PKD2L2: variants seen among roughly 807,000 people sequenced by gnomAD.
PKD2L2 encodes the protein polycystin-2-like protein 2.
A neutral mutation model predicts 83.9 loss-of-function variants in PKD2L2; 67 were observed. The observed-to-expected ratio is 0.80, with a 90% CI of 0.66 to 0.98. The LOEUF is 0.98. Among genes scored for constraint, PKD2L2 ranks in the 50% least tolerant of loss-of-function variants. PKD2L2 has a pLI of 0.00. For synonymous variants in PKD2L2, 223 were observed against 237.8 expected, an observed-to-expected ratio of 0.94 and a Z score of 0.57; for missense variants, 632 against 717.2, an observed-to-expected ratio of 0.88 and a Z score of 1.36.
At chr5:137,913,871 C>CTT (rs757741042) in intron 8 of PKD2L2, among the ~76,000 whole-genome samples, 4 of 139,880 alleles carry the variant, frequency 2.9e-5, no homozygotes, top group African/African-American at 5.2e-5. Context: ...TTTTCTTTTC[C>CTT]TTTTTTTTTT....
intron 8 of PKD2L2, among the ~76,000 whole-genome samples, chr5:137,918,569 T>C (rs1371041484): frequency 6.6e-6 from 1 of 152,200 alleles, no homozygotes; most frequent in African/African-American, 2.4e-5. Context: ...ATGGCTCCCA[T>C]AAGCTACATG....
At chr5:137,901,487 T>C (rs975567096) in intron 5 of PKD2L2, among the ~76,000 whole-genome samples, 4 of 152,232 alleles carry the variant, frequency 2.6e-5, no homozygotes, top group Middle Eastern at 3.4e-3. Context: ...CAGGAAGGAA[T>C]AGGCTTACTC....
intron 12 of PKD2L2, among the ~76,000 whole-genome samples, chr5:137,926,283 T>C (rs1759369943): frequency 6.6e-6 from 1 of 152,290 alleles, no homozygotes; most frequent in East Asian, 1.9e-4. Context: ...TTTCAAAAAT[T>C]GTAATATGTA....
intron 12 of PKD2L2, among the ~76,000 whole-genome samples, chr5:137,932,739 A>AT (rs920026282): frequency 2.0e-5 from 3 of 152,090 alleles, no homozygotes; most frequent in Non-Finnish European, 4.4e-5. Flanking sequence ...TAGAGTTCAG[A>AT]TTTTTTTTGG....
intron 4 of PKD2L2, among the ~76,000 whole-genome samples, chr5:137,894,890 C>T (rs1157966953): frequency 6.6e-6 from 1 of 152,170 alleles, no homozygotes; most frequent in Non-Finnish European, 1.5e-5. Context: ...ATTTTTGCTT[C>T]TAAAATGGTC....
chr5:137,900,656 CT>C (rs1756876571), intron 5 of PKD2L2, among the ~76,000 whole-genome samples: 1 of 152,110 alleles, frequency 6.6e-6, no homozygotes, highest in Non-Finnish European at 1.5e-5. Flanking sequence ...TGCAAAATAC[CT>C]TTTTATCTCA....
intron 8 of PKD2L2, among the ~76,000 whole-genome samples, chr5:137,910,798 A>C (rs968803452): frequency 1.5e-4 from 22 of 151,082 alleles, no homozygotes; most frequent in African/African-American, 4.9e-4. Context: ...AGAAAAACAA[A>C]AAAAAAAAGC....
chr5:137,894,415 G>A lies in PKD2L2; in HGVS notation c.330G>A (p.Leu110=). ...YWDSWYNNQQ[L]YNLKNSSRIY... ...ATTCATGGTACAATAACCAGCAGCT[G>A]TATAATTTAAAGAACAGCAGTCGCA... Residue 110 remains leucine, a synonymous_variant, in exon 4 of 15, where the codon CTG becomes CTA. Coordinates refer to ENST00000508883, the MANE Select transcript of PKD2L2 (RefSeq NM_001300921.2). The A allele has an allele frequency of 2.5e-6, 4 of 1,612,402 alleles. No individual in the cohort carries two copies. In the South Asian group the frequency reaches 3.3e-5, roughly 13 times the overall value.
chr5:137,928,552 T>C (rs1239450592), intron 12 of PKD2L2, among the ~76,000 whole-genome samples: 2 of 152,140 alleles, frequency 1.3e-5, no homozygotes, highest in Non-Finnish European at 2.9e-5. Flanking sequence ...CCACCTCAGC[T>C]TCCCAAGTAG....
intron 14 of PKD2L2, among the ~76,000 whole-genome samples, chr5:137,940,966 C>T (rs1449686926): frequency 2.6e-5 from 4 of 152,120 alleles, no homozygotes; most frequent in Non-Finnish European, 4.4e-5. Flanking sequence ...AGTGCAGTGG[C>T]GACATCTCAG....
intron 11 of PKD2L2, among the ~76,000 whole-genome samples, chr5:137,925,346 C>A (rs982064891): frequency 7.2e-5 from 11 of 152,144 alleles, no homozygotes; most frequent in Non-Finnish European, 1.6e-4. Context: ...CCACCACCAA[C>A]CTATGTGGCG....
At chr5:137,903,072 T>C (rs1449010445) in intron 5 of PKD2L2, among the ~76,000 whole-genome samples, 1 of 152,232 alleles carries the variant, frequency 6.6e-6, no homozygotes, top group Non-Finnish European at 1.5e-5. Context: ...CAGAGTTCAG[T>C]TGATCCAGCT....
chr5:137,896,922 C>A (rs1756520142), intron 4 of PKD2L2, among the ~76,000 whole-genome samples: 1 of 143,312 alleles, frequency 7.0e-6, no homozygotes, highest in African/African-American at 2.5e-5. Flanking sequence ...TTAATCATTG[C>A]TGGGTTTTTT....
intron 4 of PKD2L2, among the ~76,000 whole-genome samples, chr5:137,895,811 A>C (rs1390970007): frequency 6.6e-6 from 1 of 151,004 alleles, no homozygotes; most frequent in East Asian, 2.0e-4. Context: ...CCAGAAGGCG[A>C]AGGTTGTGGT....
intron 10 of PKD2L2, among the ~76,000 whole-genome samples, chr5:137,923,957 C>G (rs1463299218): frequency 6.6e-6 from 1 of 152,194 alleles, no homozygotes. Flanking sequence ...CCTCTCAAGT[C>G]ACTCCTGGCT....
intron 8 of PKD2L2, among the ~76,000 whole-genome samples, chr5:137,918,423 C>A (rs1337519018): frequency 1.3e-5 from 2 of 152,186 alleles, no homozygotes. Context: ...AGCTGAAGGA[C>A]GATGGTCTTG....
chr5:137,910,818 T>C (rs368035097), intron 8 of PKD2L2, among the ~76,000 whole-genome samples: 1 of 145,360 alleles, frequency 6.9e-6, no homozygotes, highest in South Asian at 2.2e-4. Context: ...CTGGATGACA[T>C]AGAAAACAAT....
intron 14 of PKD2L2, chr5:137,940,469 T>TAA (rs3214311): frequency 2.6e-4 from 137 of 530,308 alleles, no homozygotes; most frequent in South Asian, 5.1e-4. Context: ...GTTGTTCTGT[T>TAA]AAAAAAAAAA....
At chr5:137,921,455 A>G (rs1758897707) in intron 8 of PKD2L2, among the ~76,000 whole-genome samples, 181 bp from the exon 9 acceptor site, 1 of 152,090 alleles carries the variant, frequency 6.6e-6, no homozygotes, top group Admixed American at 6.6e-5. Context: ...AGGTACCTTA[A>G]GTCTTTCCTT....
Sources: allele counts gnomAD v4.1 joint callset (sites outside exome capture counted in the v4.1 genomes callset), GRCh38; gene constraint gnomAD v4.1.1; transcripts MANE v1.5; gene names NCBI Gene and HGNC (gene_info 2026-07-23, HGNC 2026-07-21).